The following PDE4D variants were observed in gnomAD, a reference collection of about 807,000 sequenced individuals.
The protein encoded by PDE4D is phosphodiesterase 4D.
Under a neutral mutation model 87.4 loss-of-function variants are expected in PDE4D, and 24 were observed. That is an observed-to-expected ratio of 0.27 (90% CI 0.20 to 0.39). The LOEUF (loss-of-function observed/expected upper bound fraction) is 0.39. Ranked by LOEUF, PDE4D falls within the 10% of genes least tolerant of loss-of-function variation. The probability of loss-of-function intolerance (pLI) is 1.00; values close to 1 mark genes in which losing one functional copy is unlikely to be tolerated. For synonymous variants in PDE4D, 384 were observed against 383.2 expected, an observed-to-expected ratio of 1.00 and a Z score of -0.02; for missense variants, 714 against 1,041.0, an observed-to-expected ratio of 0.69 and a Z score of 4.32.
chr5:60,164,716 A>C (rs1431681718), intron 2 of PDE4D, among the ~76,000 whole-genome samples: 8 of 152,160 alleles, frequency 5.3e-5, no homozygotes, highest in Admixed American at 5.2e-4. Flanking sequence ...TTATTCTGGG[A>C]TTCCTAAATC....
intron 1 of PDE4D, among the ~76,000 whole-genome samples, chr5:59,427,338 C>T (rs895687490): frequency 5.8e-5 from 8 of 137,996 alleles, no homozygotes; most frequent in East Asian, 1.9e-4. Context: ...CACACACACA[C>T]GCCCCTATGC....
At chr5:59,527,806 T>C (rs1471494709) in intron 1 of PDE4D, among the ~76,000 whole-genome samples, 1 of 152,244 alleles carries the variant, frequency 6.6e-6, no homozygotes, top group Non-Finnish European at 1.5e-5. Context: ...GCAAGATATT[T>C]GGCTAACATA....
intron 1 of PDE4D, among the ~76,000 whole-genome samples, chr5:59,294,313 A>G (rs929756674): frequency 6.6e-6 from 1 of 152,146 alleles, no homozygotes; most frequent in Non-Finnish European, 1.5e-5. Flanking sequence ...AACTCTAGGG[A>G]GTACCATTTT....
intron 1 of PDE4D, among the ~76,000 whole-genome samples, chr5:60,259,533 T>C (rs1421069922): frequency 6.6e-6 from 1 of 152,134 alleles, no homozygotes; most frequent in Non-Finnish European, 1.5e-5. Flanking sequence ...AGTAATTTTA[T>C]TCTTATGTTA....
rs1749943563 is a variant in PDE4D at position 60,498,941 on chromosome 5, A to G, written n.70+23110T>C. On this transcript the variant is annotated intron_variant and non_coding_transcript_variant, in intron 1 of 2. Coordinates refer to the PDE4D transcript ENST00000506510. Reference sequence around the variant, plus strand: ...AAAATGCATGGATGAGTGGCCCCACATTCATTCCACCTAGGTGATCAGCCA... The same window carrying G: ...AAAATGCATGGATGAGTGGCCCCACGTTCATTCCACCTAGGTGATCAGCCA... 2.6e-5 allele frequency among the ~76,000 whole-genome samples: 4 copies of G among 152,258 alleles called. No individual in the cohort carries two copies. The South Asian group carries it at 8.3e-4, about 32-fold the overall frequency.
intron 1 of PDE4D, among the ~76,000 whole-genome samples, chr5:59,225,004 A>C (rs916438840): frequency 2.0e-5 from 3 of 152,174 alleles, no homozygotes; most frequent in Admixed American, 6.5e-5. Context: ...TTTTACTTGA[A>C]GTTTATACAT....
intron 1 of PDE4D, among the ~76,000 whole-genome samples, chr5:59,299,387 G>A (rs1260364535): frequency 6.6e-6 from 1 of 152,134 alleles, no homozygotes; most frequent in Non-Finnish European, 1.5e-5. Context: ...TGTGGGAACG[G>A]ACTTGATGAT....
At chr5:59,851,812 C>A (rs891833725) in intron 1 of PDE4D, among the ~76,000 whole-genome samples, 1 of 151,862 alleles carries the variant, frequency 6.6e-6, no homozygotes, top group African/African-American at 2.4e-5. Flanking sequence ...CTAGGAACAC[C>A]AGTCTGTCAG....
chr5:59,914,878 T>G (rs1001618858), intron 3 of PDE4D, among the ~76,000 whole-genome samples: 16 of 144,354 alleles, frequency 1.1e-4, no homozygotes, highest in South Asian at 8.9e-4. Flanking sequence ...TGTGTGTGTG[T>G]GTGTGTGTGT....
At chr5:59,693,870 G>C (rs747333687) in intron 1 of PDE4D, among the ~76,000 whole-genome samples, 1 of 152,102 alleles carries the variant, frequency 6.6e-6, no homozygotes, top group African/African-American at 2.4e-5. Context: ...CTATGGATTA[G>C]GATTTATACC....
intron 5 of PDE4D, among the ~76,000 whole-genome samples, chr5:59,044,486 A>G (rs1760283960): frequency 1.3e-5 from 2 of 152,226 alleles, no homozygotes; most frequent in African/African-American, 4.8e-5. Flanking sequence ...AACTGGAAAA[A>G]ATGATTTCTG....
intron 1 of PDE4D, among the ~76,000 whole-genome samples, chr5:59,779,306 C>A (rs897369823): frequency 6.6e-6 from 1 of 152,074 alleles, no homozygotes; most frequent in Non-Finnish European, 1.5e-5. Context: ...GTTTCTGTAG[C>A]CCTCCATCCC....
In PDE4D at chr5:59,215,774, T is replaced by C. The variant is rs1254907907; in HGVS notation, c.647+3A>G. On this transcript the variant is annotated splice_donor_region_variant and intron_variant, in intron 2 of 14. Transcript: ENST00000340635. ...CTCTCTCTTTGCCTGCCCTTGTACT[T>C]ACATATCACTGGCAATGGAGGAGTT... 2.5e-6 allele frequency: 4 copies of C among 1,612,336 alleles called. No homozygotes were observed. In the East Asian group the frequency reaches 8.9e-5, roughly 36 times the overall value.
At chr5:59,869,541 G>T (rs1747512560) in intron 1 of PDE4D, among the ~76,000 whole-genome samples, 1 of 152,138 alleles carries the variant, frequency 6.6e-6, no homozygotes, top group African/African-American at 2.4e-5. Context: ...AGAGCAACAG[G>T]GAGCTGTTGA....
At chr5:59,613,584 G>A (rs1008855617) in intron 1 of PDE4D, among the ~76,000 whole-genome samples, 3 of 152,054 alleles carry the variant, frequency 2.0e-5, no homozygotes, top group African/African-American at 2.4e-5. Flanking sequence ...AGCAAAGGAG[G>A]ATGCAGAGTC....
intron 1 of PDE4D, among the ~76,000 whole-genome samples, chr5:59,860,329 C>G (rs535859596): frequency 1.3e-5 from 2 of 152,204 alleles, no homozygotes; most frequent in South Asian, 2.1e-4. Context: ...GAAAATGATG[C>G]CATTGGATGT....
chr5:59,225,990 T>TA (rs35585210), intron 1 of PDE4D, among the ~76,000 whole-genome samples: 5,879 of 146,420 alleles, frequency 0.04, 556 homozygotes, highest in East Asian at 0.39. Flanking sequence ...TGGCCATTAT[T>TA]AAAAAAAAAA....
chr5:60,160,507 A>T (rs1782376564), intron 2 of PDE4D, among the ~76,000 whole-genome samples: 1 of 151,844 alleles, frequency 6.6e-6, no homozygotes, highest in African/African-American at 2.4e-5. Context: ...AATTTTTTTT[A>T]AAAGAGAAAA....
chr5:59,311,956 C>T (rs255652), intron 1 of PDE4D, among the ~76,000 whole-genome samples: 14,395 of 152,134 alleles, frequency 0.095, 860 homozygotes, highest in East Asian at 0.28. Context: ...AACATTTCTT[C>T]CTCCAGAAGC....
Sources: gnomAD v4.1 joint callset for allele counts (sites outside exome capture counted in the v4.1 genomes callset) on GRCh38, gnomAD v4.1.1 for gene constraint, MANE v1.5 for transcripts, NCBI Gene and HGNC (gene_info 2026-07-23, HGNC 2026-07-21) for gene names.